TPH2: variants seen among roughly 807,000 people sequenced by gnomAD.
The protein encoded by TPH2 is tryptophan hydroxylase 2, also known as tryptophan 5-hydroxylase 2.
In TPH2, 27 loss-of-function variants were observed where a neutral mutation model predicts 59.1. The ratio of observed to expected loss-of-function variants is 0.46; its 90% CI spans 0.34 to 0.63. The LOEUF is 0.63. Ranked by LOEUF, TPH2 falls within the 30% of genes least tolerant of loss-of-function variation. The probability of loss-of-function intolerance (pLI) is 0.01; values close to 1 mark genes in which losing one functional copy is unlikely to be tolerated. For missense variants in TPH2, 523 were observed against 588.3 expected, an observed-to-expected ratio of 0.89 and a Z score of 1.15; for synonymous variants, 220 against 210.5, an observed-to-expected ratio of 1.05 and a Z score of -0.39.
At chr12:71,975,565 T>C (rs1250853558) in intron 6 of TPH2, among the ~76,000 whole-genome samples, 1 of 152,176 alleles carries the variant, frequency 6.6e-6, no homozygotes, top group Non-Finnish European at 1.5e-5. Flanking sequence ...TGCTGTGGGC[T>C]CTCTTTACCG....
chr12:71,964,553 T>C (rs1489445980), intron 5 of TPH2: 1 of 985,062 alleles, frequency 1.0e-6, no homozygotes, highest in Non-Finnish European at 1.2e-6. Context: ...TCTTCTTGAA[T>C]ACTCATTGAG....
At chr12:71,945,226 A>G (rs115221128) in intron 4 of TPH2, among the ~76,000 whole-genome samples, 1,714 of 152,316 alleles carry the variant, frequency 0.011, 31 homozygotes, top group African/African-American at 0.037. Context: ...TCTATCTACC[A>G]TCATTCTTTC....
intron 7 of TPH2, among the ~76,000 whole-genome samples, chr12:71,982,148 C>T (rs964222129): frequency 1.3e-5 from 2 of 151,096 alleles, no homozygotes; most frequent in South Asian, 2.1e-4. Flanking sequence ...GGGTTACAGG[C>T]GTGCAACACC....
chr12:72,008,471 C>G (rs1873013447), intron 8 of TPH2, among the ~76,000 whole-genome samples: 1 of 152,154 alleles, frequency 6.6e-6, no homozygotes. Flanking sequence ...AGTTATAGCT[C>G]TTACGTTTAT....
intron 5 of TPH2, among the ~76,000 whole-genome samples, chr12:71,950,631 G>A (rs1186246568): frequency 6.6e-6 from 1 of 152,088 alleles, no homozygotes; most frequent in Non-Finnish European, 1.5e-5. Context: ...TCCTCTGTCT[G>A]GTATGATTGA....
At chr12:72,026,200 T>C (rs1044643543) in intron 9 of TPH2, among the ~76,000 whole-genome samples, 4 of 151,148 alleles carry the variant, frequency 2.6e-5, no homozygotes, top group African/African-American at 7.3e-5. Flanking sequence ...GGCCAGAGAT[T>C]AGATTTTTTT....
At chr12:72,025,289 C>T (rs1293407536) in intron 9 of TPH2, among the ~76,000 whole-genome samples, 1 of 152,154 alleles carries the variant, frequency 6.6e-6, no homozygotes, top group Non-Finnish European at 1.5e-5. Flanking sequence ...TTGGGGTCAT[C>T]TTTACAACTT....
intron 1 of TPH2, 142 bp downstream of exon 1, chr12:71,939,233 T>C (rs985896190): frequency 1.1e-4 from 81 of 717,630 alleles, no homozygotes; most frequent in Non-Finnish European, 3.2e-5. Context: ...CCTGCTTTCC[T>C]CCTGTCTGCC....
chr12:72,007,991 A>G (rs918835386), intron 8 of TPH2, among the ~76,000 whole-genome samples: 1 of 152,156 alleles, frequency 6.6e-6, no homozygotes, highest in African/African-American at 2.4e-5. Context: ...AGCAACTACT[A>G]TGTGTCAGGA....
At chr12:71,950,715 A>G (rs1306605149) in intron 5 of TPH2, among the ~76,000 whole-genome samples, 2 of 152,152 alleles carry the variant, frequency 1.3e-5, no homozygotes, top group Admixed American at 6.5e-5. Flanking sequence ...TCCTACCCCA[A>G]TTGAGAGTAG....
At chr12:72,012,022 C>T (rs1015118670) in intron 8 of TPH2, among the ~76,000 whole-genome samples, 2 of 152,168 alleles carry the variant, frequency 1.3e-5, no homozygotes, top group African/African-American at 4.8e-5. Flanking sequence ...TAATGACTCA[C>T]TCAGAAGGCT....
chr12:71,971,611 G>A (rs940977889), intron 5 of TPH2, among the ~76,000 whole-genome samples: 8 of 151,984 alleles, frequency 5.3e-5, no homozygotes, highest in African/African-American at 9.7e-5. Flanking sequence ...TCTTTTTGTC[G>A]GAACCTGCAG....
chr12:71,997,856 T>C (rs1280028529), intron 8 of TPH2, among the ~76,000 whole-genome samples: 1 of 152,206 alleles, frequency 6.6e-6, no homozygotes, highest in African/African-American at 2.4e-5. Context: ...TTTATTTATA[T>C]ACATGAGTAG....
chr12:71,954,208 A>G (rs1364361197), intron 5 of TPH2, among the ~76,000 whole-genome samples: 1 of 152,142 alleles, frequency 6.6e-6, no homozygotes. Flanking sequence ...CTGTCGATAG[A>G]TGCCACTCAG....
chr12:71,991,312 A>G (rs890344438), intron 7 of TPH2, among the ~76,000 whole-genome samples: 1 of 152,172 alleles, frequency 6.6e-6, no homozygotes, highest in African/African-American at 2.4e-5. Flanking sequence ...TTCAAAGGTA[A>G]ATTCTGTACT....
intron 4 of TPH2, among the ~76,000 whole-genome samples, chr12:71,945,448 C>T (rs138334808): frequency 1.3e-4 from 20 of 152,122 alleles, no homozygotes; most frequent in African/African-American, 4.6e-4. Flanking sequence ...CCCCAGTGCC[C>T]CTTGTCTAAA....
At chr12:72,005,196 G>A (rs1386364451) in intron 8 of TPH2, among the ~76,000 whole-genome samples, 2 of 152,086 alleles carry the variant, frequency 1.3e-5, no homozygotes, top group East Asian at 3.9e-4. Flanking sequence ...TTTGGGAGGA[G>A]TAAATCACCT....
At chr12:71,972,419 C>T in intron 5 of TPH2, 100 bp from the exon 6 acceptor site, 1 of 1,149,514 alleles carries the variant, frequency 8.7e-7, no homozygotes, top group Non-Finnish European at 1.3e-6. Flanking sequence ...TCATGTGCTC[C>T]ACTTTGCCAG....
intron 8 of TPH2, among the ~76,000 whole-genome samples, chr12:72,014,674 A>C (rs1209377587): frequency 6.6e-6 from 1 of 152,150 alleles, no homozygotes; most frequent in African/African-American, 2.4e-5. Flanking sequence ...TACAGGCGTG[A>C]ACCACCGTGC....
Sources: allele counts gnomAD v4.1 joint callset (sites outside exome capture counted in the v4.1 genomes callset), GRCh38; gene constraint gnomAD v4.1.1; transcripts MANE v1.5; gene names NCBI Gene and HGNC (gene_info 2026-07-23, HGNC 2026-07-21).